CCBE1: variants seen among roughly 807,000 people sequenced by gnomAD.
CCBE1 encodes the protein collagen and calcium-binding EGF domain-containing protein 1.
A neutral mutation model predicts 50.0 loss-of-function variants in CCBE1; 37 were observed. That is an observed-to-expected ratio of 0.74 (90% confidence interval 0.57 to 0.97). The LOEUF (loss-of-function observed/expected upper bound fraction) is 0.97, where lower values mean the gene tolerates loss of function less well. CCBE1 is among the 50% of genes least tolerant of loss of function. CCBE1 has a pLI of 0.00. For synonymous variants in CCBE1, 234 were observed against 203.7 expected, an observed-to-expected ratio of 1.15 and a Z score of -1.27; for missense variants, 538 against 523.8, an observed-to-expected ratio of 1.03 and a Z score of -0.26.
intron 2 of CCBE1, among the ~76,000 whole-genome samples, chr18:59,652,691 G>A (rs926175191): frequency 3.3e-5 from 5 of 152,214 alleles, no homozygotes; most frequent in African/African-American, 7.2e-5. Context: ...TCGGCCGGGC[G>A]CAGTGGCTCC....
At chr18:59,455,231 A>G (rs970745619) in intron 5 of CCBE1, 1 of 515,534 alleles carries the variant, frequency 1.9e-6, no homozygotes, top group Non-Finnish European at 3.6e-6. Context: ...ATGTGTGAAA[A>G]TGCGTACCAT....
intron 2 of CCBE1, among the ~76,000 whole-genome samples, chr18:59,551,692 A>G (rs894708809): frequency 7.9e-5 from 12 of 152,220 alleles, no homozygotes; most frequent in African/African-American, 2.9e-4. Context: ...TTAAAAAACT[A>G]TTAACATTTC....
intron 2 of CCBE1, among the ~76,000 whole-genome samples, chr18:59,631,458 A>C (rs979076460): frequency 6.6e-6 from 1 of 152,156 alleles, no homozygotes; most frequent in Non-Finnish European, 1.5e-5. Context: ...ATGAGAGAGG[A>C]CAACATAGTA....
chr18:59,455,026 G>T, intron 5 of CCBE1, 75 bp from the exon 6 acceptor site: 1 of 1,201,654 alleles, frequency 8.3e-7, no homozygotes, highest in Non-Finnish European at 1.2e-6. Flanking sequence ...GCATCGGGAA[G>T]GGCGGTCCCA....
intron 2 of CCBE1, among the ~76,000 whole-genome samples, chr18:59,573,533 G>T (rs1490967639): frequency 6.6e-6 from 1 of 151,524 alleles, no homozygotes; most frequent in East Asian, 1.9e-4. Context: ...AAACTTCTCT[G>T]TTTCTCTGAG....
At chr18:59,493,674 C>T (rs767146822) in intron 2 of CCBE1, among the ~76,000 whole-genome samples, 5 of 152,076 alleles carry the variant, frequency 3.3e-5, no homozygotes, top group Non-Finnish European at 7.4e-5. Context: ...CTGCGTGTTA[C>T]AGGAGACACA....
chr18:59,447,211 G>A (rs756078218), intron 7 of CCBE1, among the ~76,000 whole-genome samples: 22 of 152,098 alleles, frequency 1.4e-4, no homozygotes, highest in Admixed American at 7.9e-4. Flanking sequence ...ACACACATAC[G>A]TATATATGTG....
chr18:59,538,667 G>A (rs914873998), intron 2 of CCBE1, among the ~76,000 whole-genome samples: 3 of 152,194 alleles, frequency 2.0e-5, no homozygotes, highest in African/African-American at 7.2e-5. Flanking sequence ...TGGGCCATAA[G>A]TTCTAAAAAT....
chr18:59,478,213 T>C (rs910548496), intron 3 of CCBE1, among the ~76,000 whole-genome samples: 4 of 152,134 alleles, frequency 2.6e-5, no homozygotes, highest in Non-Finnish European at 5.9e-5. Context: ...CTCCACAATC[T>C]CATAAGCCAA....
At chr18:59,533,894 G>A (rs990260338) in intron 2 of CCBE1, among the ~76,000 whole-genome samples, 2 of 152,088 alleles carry the variant, frequency 1.3e-5, no homozygotes, top group South Asian at 2.1e-4. Context: ...ACATTTATCC[G>A]TTTATCTAAA....
intron 2 of CCBE1, among the ~76,000 whole-genome samples, chr18:59,521,428 T>G (rs1177751994): frequency 2.6e-5 from 4 of 152,058 alleles, no homozygotes; most frequent in African/African-American, 9.7e-5. Context: ...GTTTGTTTTT[T>G]GTTTTTTTTT....
intron 2 of CCBE1, among the ~76,000 whole-genome samples, chr18:59,591,851 T>C (rs1416431076): frequency 6.6e-6 from 1 of 152,258 alleles, no homozygotes; most frequent in East Asian, 1.9e-4. Context: ...CACAAGGCTA[T>C]TAATTTCAGG....
intron 2 of CCBE1, among the ~76,000 whole-genome samples, chr18:59,521,966 C>T (rs1303447565): frequency 6.6e-6 from 1 of 152,066 alleles, no homozygotes; most frequent in Non-Finnish European, 1.5e-5. Context: ...TTGTATAATG[C>T]CTATACACAA....
intron 3 of CCBE1, among the ~76,000 whole-genome samples, chr18:59,471,378 G>A (rs1167765010): frequency 6.6e-6 from 1 of 151,838 alleles, no homozygotes; most frequent in Non-Finnish European, 1.5e-5. Context: ...ACTTTTTCAC[G>A]GCCTCCTGTG....
chr18:59,646,764 G>A (rs569040543), intron 2 of CCBE1, among the ~76,000 whole-genome samples: 1 of 152,220 alleles, frequency 6.6e-6, no homozygotes, highest in Non-Finnish European at 1.5e-5. Context: ...GATGAGATCT[G>A]GGTGTGCAGC....
chr18:59,620,380 T>C (rs1306074027), intron 2 of CCBE1, among the ~76,000 whole-genome samples: 2 of 152,186 alleles, frequency 1.3e-5, no homozygotes, highest in Non-Finnish European at 2.9e-5. Context: ...TTTGCAGGGC[T>C]AGAATGTGGC....
At chr18:59,522,120 ACTTTT>A (rs72341105) in intron 2 of CCBE1, among the ~76,000 whole-genome samples, 49,470 of 147,574 alleles carry the variant, frequency 0.34, 8,258 homozygotes, top group Middle Eastern at 0.48. Flanking sequence ...CCATGGCTTA[ACTTTT>A]CTTTTTTTTT....
chr18:59,558,162 G>A (rs561566582), intron 2 of CCBE1, among the ~76,000 whole-genome samples: 4 of 152,316 alleles, frequency 2.6e-5, no homozygotes, highest in South Asian at 4.1e-4. Context: ...AAGATCACTT[G>A]GCTTATGGAA....
intron 2 of CCBE1, among the ~76,000 whole-genome samples, chr18:59,569,807 T>G (rs1409194843): frequency 6.6e-6 from 1 of 152,148 alleles, no homozygotes; most frequent in African/African-American, 2.4e-5. Flanking sequence ...GCTAATTTTG[T>G]TTTTGTAGAG....
Sources: gnomAD v4.1 joint callset for allele counts (sites outside exome capture counted in the v4.1 genomes callset) on GRCh38, gnomAD v4.1.1 for gene constraint, MANE v1.5 for transcripts, NCBI Gene and HGNC (gene_info 2026-07-23, HGNC 2026-07-21) for gene names.